The following LEPR variants were observed in gnomAD, a reference collection of about 807,000 sequenced individuals.
The protein encoded by LEPR is OB receptor.
LEPR carries 56 observed loss-of-function variants against 114.7 expected under a neutral mutation model. The observed-to-expected ratio is 0.49, with a 90% CI of 0.39 to 0.61. The LOEUF is 0.61. Among genes scored for constraint, LEPR ranks in the 20% least tolerant of loss-of-function variants. The pLI is 0.00. For missense variants in LEPR, 1,202 were observed against 1,352.9 expected (o/e 0.89, Z 1.75); for synonymous variants, 443 against 461.4 (o/e 0.96, Z 0.51).
intron 10 of LEPR, among the ~76,000 whole-genome samples, chr1:65,603,323 T>C (rs1013275902): frequency 1.3e-5 from 2 of 150,636 alleles, no homozygotes; most frequent in Non-Finnish European, 2.9e-5. Flanking sequence ...CTCCTCATTT[T>C]CATTTTTGCC....
intron 2 of LEPR, among the ~76,000 whole-genome samples, chr1:65,523,942 GCACAGA>G (rs1439984890): frequency 6.6e-6 from 1 of 152,160 alleles, no homozygotes; most frequent in Non-Finnish European, 1.5e-5. Context: ...AGAGAAGAGG[GCACAGA>G]CACAGAGGAG....
chr1:65,574,867 A>C (rs1478582412), intron 5 of LEPR, among the ~76,000 whole-genome samples: 1 of 152,184 alleles, frequency 6.6e-6, no homozygotes, highest in Non-Finnish European at 1.5e-5. Flanking sequence ...CGGATTTGGC[A>C]GTGTGAAAGT....
chr1:65,545,251 G>A (rs574474305), intron 2 of LEPR, among the ~76,000 whole-genome samples: 4,487 of 146,616 alleles, frequency 0.031, 45 homozygotes, highest in Middle Eastern at 0.049. Context: ...ATTGTGAATA[G>A]TGCCGCAATA....
At position 65,489,651 on chromosome 1, in the gene LEPR, G is replaced by A. The variant is rs118124796; in HGVS notation, c.-21+64273G>A. ...TCATTTTTCCATTTTCACTTTGGTT[G>A]CCTGATCTTTTGAGGTATTACTCAA... On this transcript the variant is annotated intron_variant, in intron 2 of 19. Coordinates refer to ENST00000349533, the MANE Select transcript of LEPR (RefSeq NM_002303.6). 2.0e-5 allele frequency among the ~76,000 whole-genome samples: 3 copies of A among 152,022 alleles called. No homozygotes were observed. The East Asian group carries it at 5.8e-4, about 29-fold the overall frequency.
chr1:65,607,213 G>C (rs6661050), intron 11 of LEPR, among the ~76,000 whole-genome samples: 26,508 of 152,114 alleles, frequency 0.17, 2,459 homozygotes, highest in Middle Eastern at 0.24. Context: ...TGTTGGTGGT[G>C]GTTTGTTGGT....
intron 19 of LEPR, among the ~76,000 whole-genome samples, chr1:65,629,683 CTTT>C (rs1658416811): frequency 1.3e-5 from 2 of 151,740 alleles, no homozygotes; most frequent in African/African-American, 4.8e-5. Flanking sequence ...CCCTCTCTTT[CTTT>C]CTTTTCATGC....
chr1:65,534,098 G>A lies in LEPR; in HGVS notation c.-20-31448G>A, dbSNP rs534759583. Among the ~76,000 whole-genome samples, 5 of 152,090 alleles carry A rather than the reference G, an allele frequency of 3.3e-5. No individual in the cohort carries two copies. The South Asian group carries it at 1.0e-3, about 32-fold the overall frequency. The stretch of plus-strand genomic sequence containing the variant: ...GTCTTTCCACTGGAGAATTTTGTCA[G>A]TTTACATTTAATACAATTACTGATA... On this transcript the variant is annotated intron_variant, in intron 2 of 19. Transcript: ENST00000349533.
In LEPR at chr1:65,574,957, C is replaced by T. The variant is rs1415528382; in HGVS notation, c.494+2508C>T. 2.6e-5 allele frequency among the ~76,000 whole-genome samples: 4 copies of T among 152,056 alleles called. No individual in the cohort carries two copies. The East Asian group carries it at 5.8e-4, about 22-fold the overall frequency. ...CAAAGGGAAACTTGAAGAAAGGACCCGGAAGAGCTGATCTTTATGCTAGTT... is the reference window on the plus strand; with the variant it reads ...CAAAGGGAAACTTGAAGAAAGGACCTGGAAGAGCTGATCTTTATGCTAGTT... On this transcript the variant is annotated intron_variant, in intron 5 of 19. Coordinates refer to ENST00000349533, the MANE Select transcript of LEPR (RefSeq NM_002303.6).
intron 2 of LEPR, chr1:65,525,562 G>A: frequency 1.1e-6 from 1 of 926,934 alleles, no homozygotes; most frequent in Non-Finnish European, 1.3e-6. Context: ...CGGCTGCGGA[G>A]GGCGCGGGGC....
intron 5 of LEPR, among the ~76,000 whole-genome samples, chr1:65,588,401 A>T (rs766712521): frequency 1.9e-4 from 29 of 152,026 alleles, no homozygotes; most frequent in African/African-American, 6.3e-4. Flanking sequence ...TTTTGTAAAT[A>T]GTTTTATTGA....
intron 19 of LEPR, among the ~76,000 whole-genome samples, chr1:65,624,265 A>T (rs575426606): frequency 6.8e-4 from 102 of 149,252 alleles, no homozygotes; most frequent in Non-Finnish European, 1.3e-3. Context: ...CTCAACAAAT[A>T]TTAATTATTA....
rs747550020 is a variant in LEPR, at chr1:65,636,991, C to A, written c.3474C>A (p.Asn1158Lys). ...CTCAGACTCATAAGATCATGGAAAACAAGATGTGTGACCTAACTGTGTAAT... is the reference window on the plus strand; with the variant it reads ...CTCAGACTCATAAGATCATGGAAAAAAAGATGTGTGACCTAACTGTGTAAT... The part of the protein sequence containing the change: ...CSTQTHKIME[N>K]KMCDLTV Residue 1158 changes from asparagine to lysine, a missense_variant, in exon 20 of 20, where the codon AAC (asparagine) becomes AAA (lysine). By Grantham distance (94) the Asn-to-Lys change is moderately conservative. Transcript: ENST00000349533. 1 of 1,613,532 alleles carries A rather than the reference C, an allele frequency of 6.2e-7. No individual in the cohort carries two copies. The highest frequency in any genetic ancestry group is 8.5e-7 in the Non-Finnish European group (1 of 1,179,900).
At chr1:65,528,853 G>A (rs1650162256) in intron 2 of LEPR, among the ~76,000 whole-genome samples, 1 of 152,106 alleles carries the variant, frequency 6.6e-6, no homozygotes, top group South Asian at 2.1e-4. Context: ...CGCCCAGGTT[G>A]GAGTGCAATG....
intron 2 of LEPR, among the ~76,000 whole-genome samples, chr1:65,472,604 G>A (rs1431397497): frequency 8.3e-6 from 1 of 121,188 alleles, no homozygotes; most frequent in South Asian, 2.7e-4. Context: ...TTAAATGAGT[G>A]TATATATATA....
chr1:65,534,379 A>G (rs1031208140), intron 2 of LEPR, among the ~76,000 whole-genome samples: 6 of 152,272 alleles, frequency 3.9e-5, no homozygotes, highest in African/African-American at 1.4e-4. Flanking sequence ...GCCTTAGCTT[A>G]CTTTAACTTC....
rs568746899 is a variant in LEPR, at chr1:65,434,779, C to T, written c.-21+9401C>T. The stretch of plus-strand genomic sequence containing the variant: ...TCACCTCTCCCAACTGAGAACCTTC[C>T]CACTGGGCTCCATCCTCCCTCCTGA... On this transcript the variant is annotated intron_variant, in intron 2 of 19. Transcript: ENST00000349533. The T allele has an allele frequency of 2.0e-5, 20 of 985,382 alleles. No individual in the cohort carries two copies. The East Asian group carries it at 1.8e-3, about 89-fold the overall frequency. 61.0% of individuals were successfully genotyped at this position (985,382 alleles called of 1,614,324 possible).
At chr1:65,576,706 T>C (rs1475688779) in intron 5 of LEPR, 1 of 172,620 alleles carries the variant, frequency 5.8e-6, no homozygotes, top group African/African-American at 2.4e-5. Context: ...GGAAAAATAC[T>C]GCGCCTTTAT....
At chr1:65,546,277 A>T (rs1211673264) in intron 2 of LEPR, among the ~76,000 whole-genome samples, 1 of 152,126 alleles carries the variant, frequency 6.6e-6, no homozygotes, top group Non-Finnish European at 1.5e-5. Context: ...CTTAGGATTG[A>T]CTTGGCGATG....
chr1:65,565,705 T>C, intron 3 of LEPR, 100 bp downstream of exon 3: 1 of 1,414,808 alleles, frequency 7.1e-7, no homozygotes, highest in Non-Finnish European at 9.9e-7. Flanking sequence ...GAATTTCCTA[T>C]TTCTAGTTAG....
Sources: gnomAD v4.1 joint callset for allele counts (sites outside exome capture counted in the v4.1 genomes callset) on GRCh38, gnomAD v4.1.1 for gene constraint, MANE v1.5 for transcripts, NCBI Gene and HGNC (gene_info 2026-07-23, HGNC 2026-07-21) for gene names.